SP110: variants seen among roughly 807,000 people sequenced by gnomAD.
SP110 encodes SP110 nuclear body protein.
SP110 carries 62 observed loss-of-function variants against 92.7 expected under a neutral mutation model. That is an observed-to-expected ratio of 0.67 (90% CI 0.55 to 0.83). The LOEUF (loss-of-function observed/expected upper bound fraction) is 0.83. Ranked by LOEUF, SP110 falls within the 40% of genes least tolerant of loss-of-function variation. SP110 has a pLI of 0.00. For missense variants in SP110, 793 were observed against 863.9 expected, an observed-to-expected ratio of 0.92 and a Z score of 1.03; for synonymous variants, 273 against 305.3, an observed-to-expected ratio of 0.89 and a Z score of 1.10.
chr2:230,221,917 A>C, upstream of SP110: 3 of 610,294 alleles, frequency 4.9e-6, no homozygotes, highest in Non-Finnish European at 5.9e-6. Flanking sequence ...AGGATGAAAG[A>C]TGTTTATTCT....
Position 230,200,910 on chromosome 2 carries a change from A to G in SP110, c.1104T>C (p.Pro368=). Residue 368 remains proline (P), a synonymous_variant, in exon 10 of 19, where the codon CCT becomes CCC. Transcript: ENST00000258381. ...MNEGKRSQKT[P]STPRRVTQGA... ...CTTGTGTGACCCTTCGTGGTGTACTAGGCGTCTTCTGGGACCTCTTTCCTT... is the reference window on the plus strand; with the variant it reads ...CTTGTGTGACCCTTCGTGGTGTACTGGGCGTCTTCTGGGACCTCTTTCCTT... 6.2e-7 allele frequency: 1 copy of G among 1,613,648 alleles called. No homozygotes were observed. Among genetic ancestry groups the G allele is most frequent in the Non-Finnish European group, 8.5e-7 (1 of 1,179,576 alleles).
chr2:230,207,907 A>G, intron 8 of SP110, 84 bp downstream of exon 8: 1 of 724,548 alleles, frequency 1.4e-6, no homozygotes. Context: ...CATTTAGAAT[A>G]AAATTCAACC....
chr2:230,175,074 T>G (rs1229079084), intron 14 of SP110, among the ~76,000 whole-genome samples: 1 of 152,130 alleles, frequency 6.6e-6, no homozygotes, highest in Non-Finnish European at 1.5e-5. Flanking sequence ...AAGTAACAAA[T>G]GGTCATTATA....
intron 4 of SP110, 145 bp downstream of exon 4, chr2:230,212,616 C>T: frequency 8.3e-7 from 1 of 1,201,482 alleles, no homozygotes; most frequent in Non-Finnish European, 1.2e-6. Flanking sequence ...TGCTCATAAT[C>T]CCTCTTGAAA....
rs1553839905 is a variant in SP110 at position 230,168,917 on chromosome 2, A to ATTTTTTT, written c.*200_*206dup. 2,364 of 425,498 alleles carry ATTTTTTT rather than the reference A, an allele frequency of 5.6e-3. 39 individuals carry two copies. Among genetic ancestry groups the ATTTTTTT allele is most frequent in the African/African-American group, 0.022 (1,091 of 49,082 alleles). The allele number at this position is 425,498 out of a possible 1,614,324, so 26.4% of individuals were successfully genotyped here. ...ATCTGATGGTATTAAGGAAGTATTAATTTTTTTTTTTTTTAGTGTAGATAT... is the reference window on the plus strand; with the variant it reads ...ATCTGATGGTATTAAGGAAGTATTAATTTTTTTTTTTTTTTTTTTTTAGTGTAGATAT... On this transcript the variant is annotated 3_prime_UTR_variant, in exon 19 of 19. Coordinates refer to ENST00000258381, the MANE Select transcript of SP110 (RefSeq NM_080424.4).
rs2078359305 is a variant in SP110 at position 230,169,000 on chromosome 2, T to C, written c.*124A>G. ...TGGAGGGTGTGATAATCCTATGAAG[T>C]GTCTGGGTTTGGGTCCTGAGGGCAG... On this transcript the variant is annotated 3_prime_UTR_variant, in exon 19 of 19. Coordinates refer to ENST00000258381, the MANE Select transcript of SP110 (RefSeq NM_080424.4). 2 of 758,724 alleles carry C rather than the reference T, an allele frequency of 2.6e-6. No individual in the cohort carries two copies. Among genetic ancestry groups the C allele is most frequent in the Admixed American group, 3.4e-5 (2 of 58,252 alleles). The allele number at this position is 758,724 out of a possible 1,614,324, so 47.0% of individuals were successfully genotyped here.
chr2:230,190,341 G>A (rs1057139022), intron 10 of SP110, among the ~76,000 whole-genome samples: 4 of 52,634 alleles, frequency 7.6e-5, no homozygotes, highest in African/African-American at 1.4e-4. Context: ...TGTTGGCTAC[G>A]TAAATTTTTT....
intron 9 of SP110, among the ~76,000 whole-genome samples, chr2:230,202,135 A>C (rs535731193): frequency 6.6e-6 from 1 of 152,314 alleles, no homozygotes; most frequent in African/African-American, 2.4e-5. Flanking sequence ...GTTTTAGAAA[A>C]TATATTTACT....
In SP110 at chr2:230,168,108, C is replaced by CCAAAA; in HGVS notation, c.*1015_*1016insTTTTG. ...TGGGTGACAGAGTGAGACTCTGTCT[C>CCAAAA]AAAAAAAAAAAAAAAAAAAAAAAAA... On this transcript the variant is annotated 3_prime_UTR_variant, in exon 19 of 19. Transcript: ENST00000258381. 1.6e-5 allele frequency: 1 copy of CCAAAA among 62,460 alleles called. No individual in the cohort carries two copies. The highest frequency in any genetic ancestry group is 7.3e-4 in the South Asian group (1 of 1,368). The allele number at this position is 62,460 out of a possible 1,614,324, so 3.9% of individuals were successfully genotyped here. A position where few individuals can be genotyped will look rare whatever the true frequency, so the allele number is the denominator to read the frequency against.
chr2:230,166,398 T>C lies in SP110; in HGVS notation c.*2726A>G, dbSNP rs561614677. ...AAACACTATAAATTATTCCAGAATA[T>C]ATTAAAAGGTAGAAAATTTTACAAG... On this transcript the variant is annotated 3_prime_UTR_variant, in exon 19 of 19. Coordinates refer to ENST00000258381, the MANE Select transcript of SP110 (RefSeq NM_080424.4). 1.3e-5 allele frequency among the ~76,000 whole-genome samples: 2 copies of C among 152,326 alleles called. No individual in the cohort carries two copies. The highest frequency in any genetic ancestry group is 4.8e-5 in the African/African-American group (2 of 41,570).
chr2:230,209,642 AG>A (rs1334917884), intron 7 of SP110, among the ~76,000 whole-genome samples: 2 of 152,208 alleles, frequency 1.3e-5, no homozygotes, highest in African/African-American at 4.8e-5. Flanking sequence ...TCAGTTAAAG[AG>A]GGAAGTGCAA....
At chr2:230,196,421 A>C (rs1043553931) in intron 10 of SP110, among the ~76,000 whole-genome samples, 2 of 152,218 alleles carry the variant, frequency 1.3e-5, no homozygotes, top group Non-Finnish European at 1.5e-5. Context: ...GATTTATAGA[A>C]TAGACTATAT....
At chr2:230,222,848 T>G (rs1053120965), upstream of SP110, among the ~76,000 whole-genome samples, 14 of 151,488 alleles carry the variant, frequency 9.2e-5, no homozygotes, top group South Asian at 2.1e-4. Flanking sequence ...AAGTTTTTTT[T>G]TTTTTTTTTT....
At chr2:230,220,084 A>C, upstream of SP110, 9 of 985,532 alleles carry the variant, frequency 9.1e-6, no homozygotes, top group Non-Finnish European at 1.1e-5. Context: ...CGGTGCCTGC[A>C]GCCTCTCTCC....
Position 230,168,940 on chromosome 2 carries a change from T to C in SP110, c.*184A>G. The C allele has an allele frequency of 1.7e-6, 1 of 585,384 alleles. No individual in the cohort carries two copies. The highest frequency in any genetic ancestry group is 3.1e-6 in the Non-Finnish European group (1 of 327,454). The allele number at this position is 585,384 out of a possible 1,614,324, so 36.3% of individuals were successfully genotyped here. A position where few individuals can be genotyped will look rare whatever the true frequency, so the allele number is the denominator to read the frequency against. On this transcript the variant is annotated 3_prime_UTR_variant, in exon 19 of 19. Coordinates refer to ENST00000258381, the MANE Select transcript of SP110 (RefSeq NM_080424.4). ...TAATTTTTTTTTTTTTTAGTGTAGA[T>C]ATAGACTTTTAAAGGTAAAAAGAAA...
At chr2:230,201,692 G>A (rs879575362) in intron 9 of SP110, among the ~76,000 whole-genome samples, 3 of 152,218 alleles carry the variant, frequency 2.0e-5, no homozygotes, top group Non-Finnish European at 2.9e-5. Flanking sequence ...TGAGATACAA[G>A]CTCACTGTAT....
intron 11 of SP110, among the ~76,000 whole-genome samples, chr2:230,184,622 G>C (rs2042272298): frequency 6.6e-6 from 1 of 151,972 alleles, no homozygotes; most frequent in Non-Finnish European, 1.5e-5. Flanking sequence ...ACAACCAAAA[G>C]CTTCTTAAGT....
In SP110 at chr2:230,165,895, C is replaced by CT. The variant is rs34761414; in HGVS notation, c.*3228dup. Among the ~76,000 whole-genome samples the CT allele has an allele frequency of 0.6, 82,629 of 138,846 alleles. 24,751 individuals are homozygous for CT. Among genetic ancestry groups the CT allele is most frequent in the African/African-American group, 0.66 (24,455 of 37,316 alleles). The allele number at this position is 138,846 out of a possible 152,430, so 91.1% of individuals were successfully genotyped here. A position where few individuals can be genotyped will look rare whatever the true frequency, so the allele number is the denominator to read the frequency against. ...GACAGAAATAAGACCACCTATATAA[C>CT]TTTTTTTTTTTTTTTTGAAACAGAG... On this transcript the variant is annotated 3_prime_UTR_variant, in exon 19 of 19. Transcript: ENST00000258381.
intron 7 of SP110, among the ~76,000 whole-genome samples, chr2:230,208,885 G>T (rs571566028): frequency 2.0e-5 from 3 of 152,282 alleles, no homozygotes; most frequent in Non-Finnish European, 4.4e-5. Flanking sequence ...AATGGCAATA[G>T]ATTACTGAAA....
Sources: gnomAD v4.1 joint callset for allele counts (sites outside exome capture counted in the v4.1 genomes callset) on GRCh38, gnomAD v4.1.1 for gene constraint, MANE v1.5 for transcripts, NCBI Gene and HGNC (gene_info 2026-07-23, HGNC 2026-07-21) for gene names.